Variants in MTA1 observed in about 807,000 individuals in gnomAD.
MTA1 encodes metastasis associated 1.
MTA1 carries 15 observed loss-of-function variants against 97.0 expected under a neutral mutation model. That is an observed-to-expected ratio of 0.15 (90% CI 0.10 to 0.24). MTA1 has a LOEUF of 0.24. MTA1 is among the 10% of genes least tolerant of loss of function. The pLI is 1.00. For missense variants in MTA1, 709 were observed against 1,015.1 expected (o/e 0.70, Z 4.10); for synonymous variants, 435 against 417.5 (o/e 1.04, Z -0.51).
chr14:105,424,559 A>C lies in MTA1; in HGVS notation c.28+4496A>C, dbSNP rs1555421801. On this transcript the variant is annotated intron_variant, in intron 1 of 20. Transcript: ENST00000331320. The surrounding 1 kb of genome is among the most constrained non-coding windows in gnomAD (Gnocchi z 4.0). ...CACCCAGGCTGGAGTGCAGTGGCAC[A>C]ATCGCGGCTCACTGCAACCTCCGCC... is the stretch of plus-strand genomic sequence containing the variant. Among the ~76,000 whole-genome samples the C allele has an allele frequency of 6.7e-6, 1 of 150,208 alleles. No homozygotes were observed. The highest frequency in any genetic ancestry group is 1.5e-5 in the Non-Finnish European group (1 of 67,674).
At chr14:105,454,412 C>A in intron 7 of MTA1, 102 bp downstream of exon 7, 2 of 835,180 alleles carry the variant, frequency 2.4e-6, no homozygotes, top group African/African-American at 1.7e-5. Flanking sequence ...GTCAGTGATT[C>A]ATGTGTGACT....
intron 3 of MTA1, 56 bp from the exon 4 acceptor site, chr14:105,449,303 G>A (rs1156508914): frequency 6.4e-7 from 1 of 1,567,780 alleles, no homozygotes; most frequent in African/African-American, 1.4e-5. Context: ...TGGGCAGGGA[G>A]CAGGCCGCCA....
In MTA1 at chr14:105,420,897, G is replaced by C. The variant is rs966076326; in HGVS notation, c.28+834G>C. On this transcript the variant is annotated intron_variant, in intron 1 of 20. Transcript: ENST00000331320. The surrounding 1 kb of genome is among the most constrained non-coding windows in gnomAD (Gnocchi z 5.3). Reference sequence around the variant, plus strand: ...TCAGCGCCTCCCTCCCCAGGACTCTGAGACCCCTCCCTGCCTGTGACCCTC... The same window carrying C: ...TCAGCGCCTCCCTCCCCAGGACTCTCAGACCCCTCCCTGCCTGTGACCCTC... Among the ~76,000 whole-genome samples, 7 of 152,120 alleles carry C rather than the reference G, an allele frequency of 4.6e-5. No homozygotes were observed. The South Asian group carries it at 1.2e-3, about 27-fold the overall frequency.
In MTA1 at chr14:105,463,548, A is replaced by C; in HGVS notation, c.1073A>C (p.Asn358Thr). Residue 358 changes from asparagine to threonine, a missense_variant, in exon 12 of 21, where the codon AAC becomes ACC. By Grantham distance (65) the Asn-to-Thr change is moderately conservative. This residue lies in a region of MTA1 where 321 missense variants were observed against 593.5 expected (regional missense o/e 0.54). Transcript: ENST00000331320. This position sits in a 1 kb window ranked among gnomAD's most constrained non-coding sequence, Gnocchi z 5.9. ...AAGTTAAAGCAAGTTTATATTCCCA[A>C]CTAGTAAGTGTGCCCTCACAGCCGT... is the stretch of plus-strand genomic sequence containing the variant. ...ESKLKQVYIP[N>T]YNKPNPNQIS... 1 of 1,612,576 alleles carries C rather than the reference A, an allele frequency of 6.2e-7. No homozygotes were observed. Among genetic ancestry groups the C allele is most frequent in the Non-Finnish European group, 8.5e-7 (1 of 1,179,794 alleles).
chr14:105,466,147 G>A lies in MTA1; in HGVS notation c.1625-279G>A, dbSNP rs113740810. 1.5e-5 allele frequency: 8 copies of A among 521,140 alleles called. No individual in the cohort carries two copies. In the Admixed American group the frequency reaches 1.7e-4, roughly 11 times the overall value. The allele number at this position is 521,140 out of a possible 1,614,324, so 32.3% of individuals were successfully genotyped here. A position where few individuals can be genotyped will look rare whatever the true frequency, so the allele number is the denominator to read the frequency against. On this transcript the variant is annotated intron_variant, in intron 16 of 20. Transcript: ENST00000331320. ...CCTGTGTATGGATCCTGTTGTCCCG[G>A]GGCTGAGGGGCCTGGCCCCCGCCAG...
chr14:105,441,589 T>G (rs374575590), intron 2 of MTA1, among the ~76,000 whole-genome samples: 32 of 152,108 alleles, frequency 2.1e-4, no homozygotes, highest in African/African-American at 7.0e-4. Context: ...GATCAGGAGA[T>G]CGAGACCATC....
At chr14:105,448,514 T>C (rs1385491680) in intron 3 of MTA1, among the ~76,000 whole-genome samples, 1 of 152,178 alleles carries the variant, frequency 6.6e-6, no homozygotes, top group African/African-American at 2.4e-5. Flanking sequence ...TGTGGGCCTC[T>C]GGGCCCTGGT....
At chr14:105,434,490 CTTTT>C (rs140991917) in intron 1 of MTA1, among the ~76,000 whole-genome samples, 37 of 86,914 alleles carry the variant, frequency 4.3e-4, no homozygotes, top group African/African-American at 8.9e-4. Context: ...AGAAAGAGGA[CTTTT>C]TTTTTTTTTT....
chr14:105,442,383 C>T (rs1340126317), intron 2 of MTA1, among the ~76,000 whole-genome samples: 3 of 152,234 alleles, frequency 2.0e-5, no homozygotes, highest in South Asian at 2.1e-4. Flanking sequence ...CAGGAAGATG[C>T]GGCCCCTGGT....
chr14:105,421,040 T>C (rs1309636087), intron 1 of MTA1, among the ~76,000 whole-genome samples: 17 of 152,314 alleles, frequency 1.1e-4, no homozygotes, highest in Non-Finnish European at 2.4e-4. Flanking sequence ...GAACACTCTG[T>C]GTCTCTCGAG....
At chr14:105,449,178 G>C (rs587683573) in intron 3 of MTA1, 181 bp from the exon 4 acceptor site, 8 of 564,712 alleles carry the variant, frequency 1.4e-5, no homozygotes, top group Non-Finnish European at 1.9e-5. Flanking sequence ...CAGCCAGAGT[G>C]GGGGGACGTC....
At chr14:105,467,948 C>T (rs1555433296) in intron 18 of MTA1, 2 of 269,294 alleles carry the variant, frequency 7.4e-6, no homozygotes, top group East Asian at 1.1e-4. Context: ...ACACGTGAGT[C>T]CCAGCCATGC....
chr14:105,463,387 C>T lies in MTA1; in HGVS notation c.1018-106C>T, dbSNP rs2083436855. The T allele has an allele frequency of 2.0e-6, 3 of 1,498,438 alleles. No homozygotes were observed. The highest frequency in any genetic ancestry group is 2.8e-6 in the Non-Finnish European group (3 of 1,079,290). 92.8% of individuals were successfully genotyped at this position (1,498,438 alleles called of 1,614,324 possible). Reference sequence around the variant, plus strand: ...GAAGACTCCTGAGTCCCTGGCCCGGCTGTCCTCTCCGTGGTGCTCTCCTCT... The same window carrying T: ...GAAGACTCCTGAGTCCCTGGCCCGGTTGTCCTCTCCGTGGTGCTCTCCTCT... On this transcript the variant is annotated intron_variant, in intron 11 of 20. Coordinates refer to ENST00000331320, the MANE Select transcript of MTA1 (RefSeq NM_004689.4). The surrounding 1 kb of genome is among the most constrained non-coding windows in gnomAD (Gnocchi z 5.9).
chr14:105,445,517 TC>T lies in MTA1; in HGVS notation c.190+8del. The T allele has an allele frequency of 6.2e-7, 1 of 1,613,024 alleles. No individual in the cohort carries two copies. Among genetic ancestry groups the T allele is most frequent in the Non-Finnish European group, 8.5e-7 (1 of 1,179,824 alleles). On this transcript the variant is annotated splice_region_variant and intron_variant, in intron 3 of 20. Coordinates refer to ENST00000331320, the MANE Select transcript of MTA1 (RefSeq NM_004689.4). ...CCTGGCCGACAAGCACGCAAGTGAG[TC>T]CGGCCTTCCCTGGGGTGCCCGCCTG...
intron 10 of MTA1, among the ~76,000 whole-genome samples, chr14:105,462,057 A>G (rs1246243009): frequency 3.1e-4 from 1 of 3,212 alleles, no homozygotes; most frequent in Non-Finnish European, 8.3e-4. Context: ...AGCCCACGTG[A>G]TGCCTAGCGA....
At chr14:105,466,791 G>A in intron 18 of MTA1, 49 bp downstream of exon 18, 1 of 1,544,184 alleles carries the variant, frequency 6.5e-7, no homozygotes. Context: ...CGCCCGTGAT[G>A]CCTGTGCTGT....
Position 105,463,679 on chromosome 14 carries a change from C to G in MTA1, c.1076+128C>G. 3 of 924,262 alleles carry G rather than the reference C, an allele frequency of 3.2e-6. No individual in the cohort carries two copies. The highest frequency in any genetic ancestry group is 1.5e-5 in the South Asian group (1 of 66,454). 57.3% of individuals were successfully genotyped at this position (924,262 alleles called of 1,614,324 possible). On this transcript the variant is annotated intron_variant, in intron 12 of 20. Coordinates refer to ENST00000331320, the MANE Select transcript of MTA1 (RefSeq NM_004689.4). The surrounding 1 kb of genome is among the most constrained non-coding windows in gnomAD (Gnocchi z 5.9). ...AGGCTGGGAAAGTTGGGGCAGCCCC[C>G]GGGAGGGCGGCCCAGGGCTGGGGGG...
intron 13 of MTA1, 116 bp downstream of exon 13, chr14:105,464,263 G>C: frequency 7.1e-7 from 1 of 1,412,128 alleles, no homozygotes. Context: ...CTGACGATGG[G>C]GGCTGCGTCC....
intron 1 of MTA1, among the ~76,000 whole-genome samples, chr14:105,426,764 G>A (rs1555422377): frequency 6.6e-6 from 1 of 152,234 alleles, no homozygotes; most frequent in Non-Finnish European, 1.5e-5. Flanking sequence ...ATGACCCCAA[G>A]GATGGGCCGG....
Sources: gnomAD v4.1 joint callset for allele counts (sites outside exome capture counted in the v4.1 genomes callset) on GRCh38, gnomAD v4.1.1 for gene constraint, gnomAD v4.1.1 regional missense constraint, Gnocchi (gnomAD v3.1) non-coding constraint, MANE v1.5 for transcripts, NCBI Gene and HGNC (gene_info 2026-07-23, HGNC 2026-07-21) for gene names.